SORT1: variants seen among roughly 807,000 people sequenced by gnomAD.
The protein encoded by SORT1 is sortilin.
Under a neutral mutation model 101.7 loss-of-function variants are expected in SORT1, and 39 were observed. The observed-to-expected ratio is 0.38, with a 90% CI of 0.30 to 0.50. SORT1 has a LOEUF of 0.50. Ranked by LOEUF, SORT1 falls within the 20% of genes least tolerant of loss-of-function variation. SORT1 has a pLI of 0.90. For synonymous variants in SORT1, 396 were observed against 393.7 expected, an observed-to-expected ratio of 1.01 and a Z score of -0.07; for missense variants, 878 against 1,040.4, an observed-to-expected ratio of 0.84 and a Z score of 2.15.
intron 13 of SORT1, among the ~76,000 whole-genome samples, chr1:109,326,502 T>C (rs1557784518): frequency 1.8e-5 from 1 of 56,976 alleles, no homozygotes; most frequent in Non-Finnish European, 3.8e-5. Flanking sequence ...TACACACATA[T>C]ATACACACAT....
intron 7 of SORT1, 39 bp downstream of exon 7, chr1:109,347,444 A>G: frequency 7.0e-7 from 1 of 1,428,748 alleles, no homozygotes; most frequent in South Asian, 1.1e-5. Flanking sequence ...CCATGAATGG[A>G]CAACAGGACA....
intron 11 of SORT1, among the ~76,000 whole-genome samples, chr1:109,333,753 T>C (rs570917583): frequency 6.6e-6 from 1 of 152,292 alleles, no homozygotes; most frequent in South Asian, 2.1e-4. Context: ...AAGGTAAGTA[T>C]TGGCAAGGAC....
intron 3 of SORT1, among the ~76,000 whole-genome samples, chr1:109,363,739 G>A (rs991926331): frequency 6.6e-6 from 1 of 152,130 alleles, no homozygotes; most frequent in African/African-American, 2.4e-5. Flanking sequence ...ATGGTCTAAC[G>A]AATAATATAA....
chr1:109,316,197 T>C (rs970561141), intron 17 of SORT1, among the ~76,000 whole-genome samples: 3 of 152,016 alleles, frequency 2.0e-5, no homozygotes, highest in African/African-American at 7.2e-5. Flanking sequence ...ACATGCACAA[T>C]TCCAGGTCAT....
chr1:109,371,582 C>T (rs904740384), intron 1 of SORT1, among the ~76,000 whole-genome samples: 1 of 152,150 alleles, frequency 6.6e-6, no homozygotes, highest in Non-Finnish European at 1.5e-5. Flanking sequence ...AGGACTGCAA[C>T]TTTTACTTTT....
chr1:109,360,790 G>A (rs1379738167), intron 3 of SORT1, among the ~76,000 whole-genome samples: 1 of 152,214 alleles, frequency 6.6e-6, no homozygotes, highest in Non-Finnish European at 1.5e-5. Context: ...ACAAGGATCT[G>A]GGTGGCCCTT....
At chr1:109,372,177 C>A (rs1028904616) in intron 1 of SORT1, among the ~76,000 whole-genome samples, 4 of 152,214 alleles carry the variant, frequency 2.6e-5, no homozygotes, top group Non-Finnish European at 4.4e-5. Flanking sequence ...ACAAAGCCAT[C>A]AATCCTAATC....
intron 1 of SORT1, among the ~76,000 whole-genome samples, chr1:109,371,404 A>G (rs533197800): frequency 6.6e-6 from 1 of 152,306 alleles, no homozygotes; most frequent in African/African-American, 2.4e-5. Context: ...GAGCTACCAC[A>G]AGCACCAGGC....
At chr1:109,321,617 T>A (rs1344984007) in intron 15 of SORT1, among the ~76,000 whole-genome samples, 1 of 152,214 alleles carries the variant, frequency 6.6e-6, no homozygotes, top group East Asian at 1.9e-4. Flanking sequence ...GAAACCACAC[T>A]GGGTCAGACC....
intron 1 of SORT1, among the ~76,000 whole-genome samples, chr1:109,384,817 G>A (rs1444738466): frequency 3.9e-5 from 6 of 152,094 alleles, no homozygotes; most frequent in African/African-American, 1.2e-4. Flanking sequence ...GGTAGCTCAC[G>A]CCTGTAATTG....
At chr1:109,387,493 C>T (rs1424816225) in intron 1 of SORT1, among the ~76,000 whole-genome samples, 1 of 151,886 alleles carries the variant, frequency 6.6e-6, no homozygotes, top group African/African-American at 2.4e-5. Flanking sequence ...GACCATGTCT[C>T]TTAAATTTTT....
rs975565023 is a variant in SORT1, at chr1:109,311,163, C to T, written c.*2880G>A. 1.3e-5 allele frequency: 2 copies of T among 152,212 alleles called. No homozygotes were observed. The highest frequency in any genetic ancestry group is 2.9e-5 in the Non-Finnish European group (2 of 68,050). 9.4% of individuals were successfully genotyped at this position (152,212 alleles called of 1,614,324 possible). ...GGCCTGGTCTGTGGTCTCACTAAAG[C>T]CCAATGCCCAATTAGGTCCAGAGAA... On this transcript the variant is annotated 3_prime_UTR_variant, in exon 20 of 20. Transcript: ENST00000256637.
At chr1:109,374,168 C>A (rs1402302078) in intron 1 of SORT1, among the ~76,000 whole-genome samples, 1 of 152,016 alleles carries the variant, frequency 6.6e-6, no homozygotes, top group African/African-American at 2.4e-5. Flanking sequence ...CAAACTAACT[C>A]AGAAATAACA....
intron 1 of SORT1, among the ~76,000 whole-genome samples, chr1:109,376,064 C>T (rs967014417): frequency 6.6e-5 from 10 of 152,146 alleles, no homozygotes; most frequent in Non-Finnish European, 1.0e-4. Flanking sequence ...CTTAAAGGGC[C>T]GGGCGTGGTG....
intron 11 of SORT1, among the ~76,000 whole-genome samples, chr1:109,329,444 AG>A (rs1240958551): frequency 1.3e-5 from 2 of 152,150 alleles, no homozygotes; most frequent in African/African-American, 4.8e-5. Context: ...TAGTAGAGAC[AG>A]GGTTTCACCA....
chr1:109,328,907 G>A (rs763752577), intron 11 of SORT1, among the ~76,000 whole-genome samples: 1 of 152,164 alleles, frequency 6.6e-6, no homozygotes, highest in Non-Finnish European at 1.5e-5. Context: ...TCAGGGTAGG[G>A]CCCACCCCTG....
At chr1:109,386,123 G>A (rs1057442337) in intron 1 of SORT1, among the ~76,000 whole-genome samples, 9 of 152,196 alleles carry the variant, frequency 5.9e-5, no homozygotes, top group African/African-American at 1.7e-4. Flanking sequence ...GCTCAGAGGC[G>A]TTAAGTAATT....
chr1:109,332,335 C>T lies in SORT1; in HGVS notation c.1371+3905G>A, dbSNP rs573341799. ...GTTGTGGTGGCTCACATCTGTAATC[C>T]CAGCTGAGAGGCTGAGGTGGTAGGA... On this transcript the variant is annotated intron_variant, in intron 11 of 19. Transcript: ENST00000256637. Among the ~76,000 whole-genome samples the T allele has an allele frequency of 3.3e-4, 50 of 152,202 alleles. No homozygotes were observed. The South Asian group carries it at 1.0e-2, about 30-fold the overall frequency.
chr1:109,312,098 T>C lies in SORT1; in HGVS notation c.*1945A>G, dbSNP rs1036187506. On this transcript the variant is annotated 3_prime_UTR_variant, in exon 20 of 20. Transcript: ENST00000256637. The stretch of plus-strand genomic sequence containing the variant: ...AAATGAGTAAGAGGATTACCATGTA[T>C]TGGTGCATCTGCCCACAGTGAGTAC... 2.0e-5 allele frequency: 3 copies of C among 152,204 alleles called. No individual in the cohort carries two copies. Among genetic ancestry groups the C allele is most frequent in the African/African-American group, 7.2e-5 (3 of 41,420 alleles). 9.4% of individuals were successfully genotyped at this position (152,204 alleles called of 1,614,324 possible).
Sources: allele counts gnomAD v4.1 joint callset (sites outside exome capture counted in the v4.1 genomes callset), GRCh38; gene constraint gnomAD v4.1.1; transcripts MANE v1.5; gene names NCBI Gene and HGNC (gene_info 2026-07-23, HGNC 2026-07-21).